The following SRRM3 variants were observed in gnomAD, a reference collection of about 807,000 sequenced individuals.
SRRM3 encodes the protein serine/arginine repetitive matrix protein 3.
A neutral mutation model predicts 66.2 loss-of-function variants in SRRM3; 27 were observed. The observed-to-expected ratio is 0.41, with a 90% CI of 0.30 to 0.56. SRRM3 has a LOEUF of 0.56. Ranked by LOEUF, SRRM3 falls within the 20% of genes least tolerant of loss-of-function variation. The pLI, the probability that SRRM3 is intolerant of heterozygous loss-of-function variation, is 0.32. For synonymous variants in SRRM3, 391 were observed against 414.9 expected (o/e 0.94, Z 0.70); for missense variants, 918 against 991.9 (o/e 0.93, Z 1.00).
At chr7:76,210,808 AT>A (rs199914256) in intron 1 of SRRM3, among the ~76,000 whole-genome samples, 127 of 146,066 alleles carry the variant, frequency 8.7e-4, no homozygotes, top group East Asian at 1.6e-3. Context: ...GCCCTGGATA[AT>A]TTTTTTTTTT....
intron 2 of SRRM3, among the ~76,000 whole-genome samples, chr7:76,243,705 C>A (rs1249519462): frequency 6.6e-6 from 1 of 152,212 alleles, no homozygotes; most frequent in Non-Finnish European, 1.5e-5. Flanking sequence ...CCCACCCTCA[C>A]CCTTAGGCCA....
At chr7:76,224,849 G>A (rs1324393145) in intron 1 of SRRM3, among the ~76,000 whole-genome samples, 4 of 152,076 alleles carry the variant, frequency 2.6e-5, no homozygotes, top group Admixed American at 6.6e-5. Flanking sequence ...GCCATTAGAG[G>A]TAATTGACAT....
chr7:76,283,121 G>T lies in SRRM3; in HGVS notation c.1733+20G>T, dbSNP rs782067233. 41 of 1,407,814 alleles carry T rather than the reference G, an allele frequency of 2.9e-5. No individual in the cohort carries two copies. Among genetic ancestry groups the T allele is most frequent in the Non-Finnish European group, 3.7e-5 (40 of 1,084,516 alleles). The allele number at this position is 1,407,814 out of a possible 1,614,324, so 87.2% of individuals were successfully genotyped here. A position where few individuals can be genotyped will look rare whatever the true frequency, so the allele number is the denominator to read the frequency against. The stretch of plus-strand genomic sequence containing the variant: ...CACCAGGTATGGAGGGTCTTGGGGG[G>T]GCCGGTGGCGCAGGGCTGGGGCCGC... On this transcript the variant is annotated intron_variant, in intron 14 of 14. Transcript: ENST00000611745.
chr7:76,255,170 G>GTTTTTTTTT, intron 3 of SRRM3, among the ~76,000 whole-genome samples: 1 of 43,112 alleles, frequency 2.3e-5, no homozygotes, highest in East Asian at 1.2e-3. Flanking sequence ...TTTTTTTTGA[G>GTTTTTTTTT]ATGGAATCTA....
intron 1 of SRRM3, among the ~76,000 whole-genome samples, chr7:76,229,684 A>G (rs923792637): frequency 6.6e-6 from 1 of 150,416 alleles, no homozygotes; most frequent in Non-Finnish European, 1.5e-5. Context: ...TTAGTTTGGG[A>G]CCCAGCTTCA....
In SRRM3 at chr7:76,210,946, G is replaced by T. The variant is rs371907358; in HGVS notation, c.-40+8879G>T. ...GCCTCCCGAGTAGCTGGGACCACAG[G>T]CACCTGCCACTACACCCGGCTAATT... On this transcript the variant is annotated intron_variant, in intron 1 of 14. Transcript: ENST00000611745. Among the ~76,000 whole-genome samples, 18 of 152,138 alleles carry T rather than the reference G, an allele frequency of 1.2e-4. No homozygotes were observed. In the East Asian group the frequency reaches 2.1e-3, roughly 18 times the overall value.
chr7:76,226,064 G>A (rs1259815530), intron 1 of SRRM3, among the ~76,000 whole-genome samples: 1 of 152,208 alleles, frequency 6.6e-6, no homozygotes, highest in African/African-American at 2.4e-5. Context: ...ACTACGATCT[G>A]AGCATCTTCT....
At chr7:76,242,214 G>A (rs1035215291) in intron 2 of SRRM3, among the ~76,000 whole-genome samples, 20 of 152,322 alleles carry the variant, frequency 1.3e-4, no homozygotes, top group African/African-American at 4.6e-4. Context: ...GCTGGGCGAG[G>A]TGGCTCACGC....
intron 1 of SRRM3, among the ~76,000 whole-genome samples, chr7:76,203,973 C>T (rs558095550): frequency 2.6e-5 from 4 of 152,242 alleles, no homozygotes; most frequent in Non-Finnish European, 5.9e-5. Context: ...TGCCTTGAAC[C>T]GGCCAGCGGG....
chr7:76,221,934 C>G (rs1800733051), intron 1 of SRRM3, among the ~76,000 whole-genome samples: 1 of 152,212 alleles, frequency 6.6e-6, no homozygotes. Context: ...ACACGTTATT[C>G]CTTTACTCCT....
intron 1 of SRRM3, among the ~76,000 whole-genome samples, chr7:76,219,044 G>A (rs1800647271): frequency 6.6e-6 from 1 of 152,058 alleles, no homozygotes; most frequent in African/African-American, 2.4e-5. Flanking sequence ...TAGTAGAGAT[G>A]GCCATGTTGG....
intron 1 of SRRM3, among the ~76,000 whole-genome samples, chr7:76,234,194 A>AGT (rs58369922): frequency 0.032 from 4,474 of 141,022 alleles, 88 homozygotes; most frequent in East Asian, 0.1. Context: ...AAGTCCTTGG[A>AGT]GTGTGTGTGT....
At chr7:76,211,003 A>G (rs7798565) in intron 1 of SRRM3, among the ~76,000 whole-genome samples, 33,621 of 151,938 alleles carry the variant, frequency 0.22, 4,224 homozygotes, top group East Asian at 0.45. Flanking sequence ...TAGTAGAGAC[A>G]GGGTTTCAAC....
chr7:76,227,199 A>G (rs905269635), intron 1 of SRRM3, among the ~76,000 whole-genome samples: 2 of 151,316 alleles, frequency 1.3e-5, no homozygotes, highest in African/African-American at 4.9e-5. Flanking sequence ...CTCTCAGCCA[A>G]TCAGTGGTAG....
At position 76,224,773 on chromosome 7, in the gene SRRM3, C is replaced by T. The variant is rs1344572543; in HGVS notation, c.-39-10255C>T. On this transcript the variant is annotated intron_variant, in intron 1 of 14. Coordinates refer to ENST00000611745, the MANE Select transcript of SRRM3 (RefSeq NM_001110199.3). ...ACCAAGAGAGGTTTGTCACTGTGGC[C>T]GCCCCGATCAGCTAGGGAGACTCAC... 2.0e-5 allele frequency among the ~76,000 whole-genome samples: 3 copies of T among 152,068 alleles called. No homozygotes were observed. In the East Asian group the frequency reaches 5.8e-4, roughly 29 times the overall value.
chr7:76,252,654 A>G (rs1801607334), intron 3 of SRRM3, among the ~76,000 whole-genome samples: 1 of 152,000 alleles, frequency 6.6e-6, no homozygotes. Context: ...TGATCTTACT[A>G]TGTTGCCCAG....
At chr7:76,226,262 A>T (rs1336244049) in intron 1 of SRRM3, among the ~76,000 whole-genome samples, 1 of 152,150 alleles carries the variant, frequency 6.6e-6, no homozygotes, top group Non-Finnish European at 1.5e-5. Flanking sequence ...TGCTCAGGAA[A>T]CCCAGGCTTG....
In SRRM3 at chr7:76,255,148, C is replaced by CTTTTTTTTTTTTTTTTTTTTTTTTT. The variant is rs57880700; in HGVS notation, c.336-4739_336-4738insTTTTTTTTTTTTTTTTTTTTTTTTT. Among the ~76,000 whole-genome samples, 60 of 83,174 alleles carry CTTTTTTTTTTTTTTTTTTTTTTTTT rather than the reference C, an allele frequency of 7.2e-4. 2 individuals carry two copies. Among genetic ancestry groups the CTTTTTTTTTTTTTTTTTTTTTTTTT allele is most frequent in the East Asian group, 8.9e-4 (2 of 2,254 alleles). The allele number at this position is 83,174 out of a possible 152,430, so 54.6% of individuals were successfully genotyped here. A position where few individuals can be genotyped will look rare whatever the true frequency, so the allele number is the denominator to read the frequency against. ...CTTTTCTTTCTTTCTTTCTTTCTTT[C>CTTTTTTTTTTTTTTTTTTTTTTTTT]TTTTTTTTTTTTTTTTTTTGAGATG... On this transcript the variant is annotated intron_variant, in intron 3 of 14. Coordinates refer to ENST00000611745, the MANE Select transcript of SRRM3 (RefSeq NM_001110199.3).
chr7:76,269,560 AAGAG>A (rs545758900), intron 11 of SRRM3: 1 of 152,024 alleles, frequency 6.6e-6, no homozygotes, highest in South Asian at 2.1e-4. Context: ...AAAAGAAAAA[AAGAG>A]AGAGAGAAAC....
Sources: gnomAD v4.1 joint callset for allele counts (sites outside exome capture counted in the v4.1 genomes callset) on GRCh38, gnomAD v4.1.1 for gene constraint, MANE v1.5 for transcripts, NCBI Gene and HGNC (gene_info 2026-07-23, HGNC 2026-07-21) for gene names.